Variants in HELQ observed in about 807,000 individuals in gnomAD.
The protein encoded by HELQ is helicase POLQ-like.
A neutral mutation model predicts 111.6 loss-of-function variants in HELQ; 77 were observed. The ratio of observed to expected loss-of-function variants is 0.69; its 90% CI spans 0.57 to 0.83. The LOEUF (loss-of-function observed/expected upper bound fraction) is 0.83, where lower values mean the gene tolerates loss of function less well. Ranked by LOEUF, HELQ falls within the 40% of genes least tolerant of loss-of-function variation. HELQ has a pLI of 0.00. For missense variants in HELQ, 1,200 were observed against 1,288.5 expected, an observed-to-expected ratio of 0.93 and a Z score of 1.05; for synonymous variants, 438 against 454.7, an observed-to-expected ratio of 0.96 and a Z score of 0.47.
At chr4:83,416,965 T>A in intron 16 of HELQ, 100 bp from the exon 17 acceptor site, 1 of 999,564 alleles carries the variant, frequency 1.0e-6, no homozygotes, top group South Asian at 1.7e-5. Flanking sequence ...TGTAAGAGAC[T>A]GGGATAAAAT....
In HELQ at chr4:83,454,424, G is replaced by A. The variant is rs372388919; in HGVS notation, c.298-479C>T. On this transcript the variant is annotated intron_variant, in intron 1 of 17. Transcript: ENST00000295488. Reference sequence around the variant, plus strand: ...CTGAGATTCTAATTTTTGAGACAGGGTCTGGCTCTGTCACCCAGGCTGGAG... The same window carrying A: ...CTGAGATTCTAATTTTTGAGACAGGATCTGGCTCTGTCACCCAGGCTGGAG... 6.9e-4 allele frequency among the ~76,000 whole-genome samples: 105 copies of A among 152,014 alleles called. 2 individuals are homozygous for A. Among genetic ancestry groups the A allele is most frequent in the East Asian group, 1.9e-3 (10 of 5,168 alleles).
At chr4:83,441,951 G>A (rs1204406387) in intron 6 of HELQ, among the ~76,000 whole-genome samples, 1 of 151,786 alleles carries the variant, frequency 6.6e-6, no homozygotes, top group Non-Finnish European at 1.5e-5. Context: ...TTTTTATAGA[G>A]ATGGGGTTCC....
chr4:83,407,581 G>A (rs62303752), intron 17 of HELQ, 21 bp from the exon 18 acceptor site: 57,764 of 1,528,256 alleles, frequency 0.038, 1,245 homozygotes, highest in Non-Finnish European at 0.045. Flanking sequence ...AAATTAAGAC[G>A]TGAGGCCAAA....
chr4:83,427,563 C>T lies in HELQ; in HGVS notation c.2676G>A (p.Gln892=), dbSNP rs773387921. 1.3e-6 allele frequency: 2 copies of T among 1,528,490 alleles called. No homozygotes were observed. Among genetic ancestry groups the T allele is most frequent in the African/African-American group, 2.8e-5 (2 of 70,302 alleles). 94.7% of individuals were successfully genotyped at this position (1,528,490 alleles called of 1,614,324 possible). The change falls in exon 13 of 18, where the codon CAG becomes CAA. Residue 892 remains glutamine (Q), a splice_region_variant and synonymous_variant. Coordinates refer to ENST00000295488, the MANE Select transcript of HELQ (RefSeq NM_133636.5). ...AAGTTGAAAAACGTTATATTCTCAC[C>T]TGCCTGAAGTATATCATCCAATCAG... ...CNPDWMIYFR[Q]FSQLSPAEQN...
At chr4:83,434,532 AG>A (rs1340402076) in intron 9 of HELQ, among the ~76,000 whole-genome samples, 4 of 151,950 alleles carry the variant, frequency 2.6e-5, no homozygotes, top group Non-Finnish European at 5.9e-5. Context: ...GTACAATCAT[AG>A]CTAACTGCAG....
intron 12 of HELQ, among the ~76,000 whole-genome samples, 160 bp downstream of exon 12, chr4:83,429,364 G>A (rs542907493): frequency 1.5e-4 from 23 of 152,226 alleles, no homozygotes; most frequent in Non-Finnish European, 2.6e-4. Context: ...GGCCAGGCTG[G>A]TCTCAAACTC....
intron 2 of HELQ, among the ~76,000 whole-genome samples, chr4:83,450,222 TAAAAAAAAAA>T (rs71668650): frequency 0.18 from 8,159 of 45,818 alleles, 1,243 homozygotes; most frequent in African/African-American, 0.37. Context: ...CAGTTAAGTT[TAAAAAAAAAA>T]AAAAAAAAAA....
At position 83,427,580 on chromosome 4, in the gene HELQ, T is replaced by G; in HGVS notation, c.2659A>C (p.Met887Leu). Residue 887 changes from methionine (M) to leucine (L), a missense_variant, in exon 13 of 18, where the codon ATG (methionine) becomes CTG (leucine). This residue lies in a region of HELQ where 585 missense variants were observed against 665.3 expected (regional missense o/e 0.88). Coordinates refer to ENST00000295488, the MANE Select transcript of HELQ (RefSeq NM_133636.5). ...ATTCTCACCTGCCTGAAGTATATCA[T>G]CCAATCAGGGTTACACTGTGAAACC... Reference protein sequence around the residue: ...DLVSQCNPDWMIYFRQFSQLS... With the variant: ...DLVSQCNPDWLIYFRQFSQLS... The G allele has an allele frequency of 6.4e-7, 1 of 1,563,452 alleles. No individual in the cohort carries two copies. Among genetic ancestry groups the G allele is most frequent in the Middle Eastern group, 1.7e-4 (1 of 5,866 alleles).
intron 9 of HELQ, among the ~76,000 whole-genome samples, chr4:83,436,044 G>A (rs1374986283): frequency 6.6e-6 from 1 of 151,772 alleles, no homozygotes; most frequent in Non-Finnish European, 1.5e-5. Flanking sequence ...TTATTGTATT[G>A]ATAAAAGGTA....
At chr4:83,439,824 A>C (rs759319209) in intron 8 of HELQ, 39 bp downstream of exon 8, 1 of 1,299,324 alleles carries the variant, frequency 7.7e-7, no homozygotes, top group Non-Finnish European at 1.1e-6. Context: ...GTAATTCCTA[A>C]TAAAAATAAA....
chr4:83,437,072 C>G lies in HELQ; in HGVS notation c.1834G>C (p.Glu612Gln), dbSNP rs1560550991. The G allele has an allele frequency of 1.2e-6, 2 of 1,613,436 alleles. No individual in the cohort carries two copies. Among genetic ancestry groups the G allele is most frequent in the Non-Finnish European group, 8.5e-7 (1 of 1,179,730 alleles). The stretch of plus-strand genomic sequence containing the variant: ...AAGTTCTTAATCACCTCACATTTTT[C>G]TTTCTCCTTATGTTTCAGATATTCC... ...SKEYLKHKEK[E>Q]KCEVIKNLKN... The change falls in exon 9 of 18, where the codon GAA (glutamate) becomes CAA (glutamine). Residue 612 changes from glutamate (E) to glutamine (Q), a missense_variant. By Grantham distance (29) the Glu-to-Gln change is conservative. Transcript: ENST00000295488.
rs70949710 is a variant in HELQ, at chr4:83,442,260, ATTTTTTTT to A, written c.1564-865_1564-858del. Among the ~76,000 whole-genome samples the A allele has an allele frequency of 8.5e-5, 7 of 82,064 alleles. No individual in the cohort carries two copies. In the South Asian group the frequency reaches 2.4e-3, roughly 28 times the overall value. 53.8% of individuals were successfully genotyped at this position (82,064 alleles called of 152,430 possible). ...ATCTGGTTCAAATGTAAAAACATCAATTTTTTTTTTTTTTTTTTTTTTTTTGAGACAGG... is the reference window on the plus strand; with the variant it reads ...ATCTGGTTCAAATGTAAAAACATCAATTTTTTTTTTTTTTTTTGAGACAGG... On this transcript the variant is annotated intron_variant, in intron 6 of 17. Coordinates refer to ENST00000295488, the MANE Select transcript of HELQ (RefSeq NM_133636.5).
In HELQ at chr4:83,418,178, G is replaced by C. The variant is rs80027102; in HGVS notation, c.2978C>G (p.Ala993Gly). The change falls in exon 16 of 18, where the codon GCC becomes GGC. Residue 993 changes from alanine (A) to glycine (G), a missense_variant. This residue lies in a region of HELQ where 585 missense variants were observed against 665.3 expected (regional missense o/e 0.88). Transcript: ENST00000295488. ...CTTCTTGGTAAGTTCTACCAAAAGG[G>C]CTCTGTAAACCCAAAACTCCTCAAG... ...EELEEFWVYRALLVELTKKLT... is the reference protein window; with the variant it reads ...EELEEFWVYRGLLVELTKKLT... 6.2e-7 allele frequency: 1 copy of C among 1,606,176 alleles called. No individual in the cohort carries two copies. Among genetic ancestry groups the C allele is most frequent in the African/African-American group, 1.3e-5 (1 of 74,800 alleles).
chr4:83,444,356 C>G (rs1276229502), intron 5 of HELQ, among the ~76,000 whole-genome samples: 1 of 152,086 alleles, frequency 6.6e-6, no homozygotes, highest in Non-Finnish European at 1.5e-5. Flanking sequence ...TGAGATCTTG[C>G]TATCAAGCTA....
rs200787324 is a variant in HELQ at position 83,439,838 on chromosome 4, G to A, written c.1808+25C>T. 2.3e-4 allele frequency: 328 copies of A among 1,396,594 alleles called. No homozygotes were observed. In the African/African-American group the frequency reaches 4.4e-3, roughly 19 times the overall value. 86.5% of individuals were successfully genotyped at this position (1,396,594 alleles called of 1,614,324 possible). On this transcript the variant is annotated intron_variant, in intron 8 of 17. Transcript: ENST00000295488. ...TGTAATTCCTAATAAAAATAAAACA[G>A]GCTATTTAAAAAATATTAACATACT...
rs772341529 is a variant in HELQ at position 83,416,801 on chromosome 4, G to A, written c.3128C>T (p.Pro1043Leu). 26 of 1,613,702 alleles carry A rather than the reference G, an allele frequency of 1.6e-5. No homozygotes were observed. The South Asian group carries it at 2.7e-4, about 17-fold the overall frequency. The change falls in exon 17 of 18, where the codon CCT (proline) becomes CTT (leucine). Residue 1043 changes from proline (P) to leucine (L), a missense_variant. By Grantham distance (98) the Pro-to-Leu change is moderately conservative. This residue lies in a region of HELQ where 585 missense variants were observed against 665.3 expected (regional missense o/e 0.88). Coordinates refer to ENST00000295488, the MANE Select transcript of HELQ (RefSeq NM_133636.5). ...KSLMHLANAN[P>L]EVLVRTIDHL... ...ATCAATTGTCCTTACGAGCACTTCA[G>A]GATTTGCATTAGCTAAGTGCATTAG...
chr4:83,434,357 A>G (rs1169210631), intron 9 of HELQ, among the ~76,000 whole-genome samples: 1 of 152,208 alleles, frequency 6.6e-6, no homozygotes, highest in East Asian at 1.9e-4. Flanking sequence ...GCCACTGGGC[A>G]ACAGAGTAAG....
chr4:83,417,999 C>T, intron 16 of HELQ, 94 bp downstream of exon 16: 1 of 569,456 alleles, frequency 1.8e-6, no homozygotes, highest in Non-Finnish European at 3.0e-6. Flanking sequence ...CTCTTGCTAT[C>T]ACTTCCTCTG....
intron 17 of HELQ, among the ~76,000 whole-genome samples, chr4:83,414,888 A>C (rs1739282625): frequency 6.6e-6 from 1 of 152,100 alleles, no homozygotes; most frequent in Non-Finnish European, 1.5e-5. Flanking sequence ...CTATAACTTC[A>C]TCCCTACCAA....
Sources: gnomAD v4.1 joint callset for allele counts (sites outside exome capture counted in the v4.1 genomes callset) on GRCh38, gnomAD v4.1.1 for gene constraint, gnomAD v4.1.1 regional missense constraint, MANE v1.5 for transcripts, NCBI Gene and HGNC (gene_info 2026-07-23, HGNC 2026-07-21) for gene names.